Variants in CSTPP1 observed in about 807,000 individuals in gnomAD.
The protein encoded by CSTPP1 is UPF0705 protein C11orf49.
the CSTPP1 span, chr11:47,137,599 C>A: frequency 5.0e-6 from 8 of 1,613,612 alleles, no homozygotes; most frequent in Non-Finnish European, 6.8e-6. Context: ...AGGGCAGTGA[C>A]TTGAAATGCA....
the CSTPP1 span, among the ~76,000 whole-genome samples, chr11:46,999,604 T>C: frequency 9.2e-5 from 14 of 152,228 alleles, no homozygotes; most frequent in Non-Finnish European, 1.5e-5. Context: ...CCTTAGCTGG[T>C]GACCTCAGTT....
chr11:47,102,539 A>G, the CSTPP1 span, among the ~76,000 whole-genome samples: 2 of 152,296 alleles, frequency 1.3e-5, no homozygotes, highest in African/African-American at 2.4e-5. Context: ...AAATATATAG[A>G]TAGATAATAT....
chr11:46,997,375 A>G, the CSTPP1 span, among the ~76,000 whole-genome samples: 1 of 152,086 alleles, frequency 6.6e-6, no homozygotes, highest in African/African-American at 2.4e-5. Context: ...TGTGTGTCAC[A>G]TAGTTCTTGT....
chr11:47,132,689 G>C, the CSTPP1 span, among the ~76,000 whole-genome samples: 1 of 152,320 alleles, frequency 6.6e-6, no homozygotes, highest in African/African-American at 2.4e-5. Flanking sequence ...ACTACCCTGT[G>C]CTGTTTAAAG....
chr11:47,134,173 G>A, the CSTPP1 span, among the ~76,000 whole-genome samples: 3 of 152,146 alleles, frequency 2.0e-5, no homozygotes, highest in Admixed American at 6.5e-5. Flanking sequence ...TGCTGTGAAG[G>A]CTAAGTGAGT....
chr11:47,101,186 T>TTTTTTTTTTTTTTTTTTTTTTTTG, the CSTPP1 span, among the ~76,000 whole-genome samples: 1 of 102,040 alleles, frequency 9.8e-6, no homozygotes, highest in Non-Finnish European at 1.8e-5. Flanking sequence ...TTTTTTTTTT[T>TTTTTTTTTTTTTTTTTTTTTTTTG]TTTATTTTAT....
the CSTPP1 span, chr11:47,161,317 G>T: frequency 6.3e-7 from 1 of 1,589,876 alleles, no homozygotes; most frequent in Non-Finnish European, 8.5e-7. Flanking sequence ...GGGTCTGGGG[G>T]CCAGTGGAGG....
the CSTPP1 span, among the ~76,000 whole-genome samples, chr11:46,945,578 G>A: frequency 6.6e-6 from 1 of 152,080 alleles, no homozygotes; most frequent in African/African-American, 2.4e-5. Flanking sequence ...TCACGCCAGT[G>A]CACTCCAGCC....
At chr11:47,124,598 T>A in the CSTPP1 span, among the ~76,000 whole-genome samples, 1 of 152,240 alleles carries the variant, frequency 6.6e-6, no homozygotes, top group Non-Finnish European at 1.5e-5. Flanking sequence ...GTATTTTACT[T>A]AGTCTAATCA....
chr11:47,145,908 ATTTT>A, the CSTPP1 span, among the ~76,000 whole-genome samples: 1 of 151,366 alleles, frequency 6.6e-6, no homozygotes, highest in African/African-American at 2.4e-5. Flanking sequence ...AAATTATTTT[ATTTT>A]ATTTTATTTT....
At chr11:47,062,542 C>A in the CSTPP1 span, among the ~76,000 whole-genome samples, 7 of 152,100 alleles carry the variant, frequency 4.6e-5, no homozygotes, top group Non-Finnish European at 7.4e-5. Context: ...TAAAAACCAG[C>A]CTAATCAAAG....
At chr11:47,074,839 A>T in the CSTPP1 span, among the ~76,000 whole-genome samples, 1 of 152,200 alleles carries the variant, frequency 6.6e-6, no homozygotes, top group African/African-American at 2.4e-5. Flanking sequence ...CAGATGAAAG[A>T]TATACAGGGA....
At chr11:46,937,832 C>T in the CSTPP1 span, among the ~76,000 whole-genome samples, 5 of 151,434 alleles carry the variant, frequency 3.3e-5, no homozygotes, top group Admixed American at 6.6e-5. Flanking sequence ...CCACCGCGCC[C>T]GGCCACAATA....
At chr11:47,021,009 G>C in the CSTPP1 span, among the ~76,000 whole-genome samples, 1 of 152,174 alleles carries the variant, frequency 6.6e-6, no homozygotes, top group Non-Finnish European at 1.5e-5. Context: ...CAGGAGTTTA[G>C]GATGTTACCA....
the CSTPP1 span, among the ~76,000 whole-genome samples, chr11:46,983,257 C>G: frequency 6.6e-6 from 1 of 152,220 alleles, no homozygotes; most frequent in Admixed American, 6.5e-5. Flanking sequence ...GTCAACAGAA[C>G]CAAGAAGTTT....
the CSTPP1 span, among the ~76,000 whole-genome samples, chr11:46,955,507 G>T: frequency 6.6e-6 from 1 of 151,928 alleles, no homozygotes; most frequent in African/African-American, 2.4e-5. Flanking sequence ...GGGACCACAG[G>T]TATGCGCCAC....
chr11:47,163,726 T>C, the CSTPP1 span, among the ~76,000 whole-genome samples: 12 of 152,132 alleles, frequency 7.9e-5, no homozygotes, highest in Admixed American at 7.9e-4. Flanking sequence ...CACTGCAACC[T>C]CTGCCTCCCG....
chr11:47,102,314 A>C, the CSTPP1 span, among the ~76,000 whole-genome samples: 1 of 152,266 alleles, frequency 6.6e-6, no homozygotes, highest in East Asian at 1.9e-4. Flanking sequence ...TTTAAAAAAA[A>C]AATTAGAACA....
the CSTPP1 span, among the ~76,000 whole-genome samples, chr11:46,997,948 G>T: frequency 1.1e-4 from 17 of 152,314 alleles, no homozygotes; most frequent in African/African-American, 3.6e-4. Context: ...GCACCCAGCC[G>T]TATGAAGTGT....
Sources: allele counts gnomAD v4.1 joint callset (sites outside exome capture counted in the v4.1 genomes callset), GRCh38; gene constraint gnomAD v4.1.1; transcripts MANE v1.5; gene names NCBI Gene and HGNC (gene_info 2026-07-23, HGNC 2026-07-21).